Variants in ST6GALNAC5 observed in about 807,000 individuals in gnomAD.
ST6GALNAC5 encodes alpha-N-acetylgalactosaminide alpha-2,6-sialyltransferase 5.
A neutral mutation model predicts 33.6 loss-of-function variants in ST6GALNAC5; 27 were observed. The ratio of observed to expected loss-of-function variants is 0.80; its 90% CI spans 0.59 to 1.11. The LOEUF is 1.11. ST6GALNAC5 is among the 50% of genes least tolerant of loss of function. The pLI, the probability that ST6GALNAC5 is intolerant of heterozygous loss-of-function variation, is 0.00. For synonymous variants in ST6GALNAC5, 194 were observed against 171.2 expected (o/e 1.13, Z -1.04); for missense variants, 428 against 454.0 (o/e 0.94, Z 0.52).
intron 2 of ST6GALNAC5, among the ~76,000 whole-genome samples, chr1:76,991,990 T>G (rs993874024): frequency 1.3e-5 from 2 of 152,202 alleles, no homozygotes; most frequent in Non-Finnish European, 2.9e-5. Flanking sequence ...TAAGTAAATA[T>G]TTTTAAAATT....
In ST6GALNAC5 at chr1:77,060,787, G is replaced by A. The variant is rs150488547; in HGVS notation, c.780-2188G>A. On this transcript the variant is annotated intron_variant, in intron 4 of 4. Coordinates refer to ENST00000477717, the MANE Select transcript of ST6GALNAC5 (RefSeq NM_030965.3). ...CAATTGCCCCCTACTCCTAGGTGCC[G>A]AATCAATCTTATGATATTTTTAGAA... Among the ~76,000 whole-genome samples the A allele has an allele frequency of 8.6e-3, 1,302 of 152,084 alleles. 14 individuals are homozygous for A. Among genetic ancestry groups the A allele is most frequent in the Middle Eastern group, 0.014 (4 of 294 alleles).
At chr1:76,871,061 A>T (rs1292502365) in intron 2 of ST6GALNAC5, among the ~76,000 whole-genome samples, 1 of 152,218 alleles carries the variant, frequency 6.6e-6, no homozygotes, top group East Asian at 1.9e-4. Context: ...AATGTTGTTT[A>T]TGTTCTCTCC....
At chr1:77,045,433 G>T (rs1324404012) in intron 3 of ST6GALNAC5, among the ~76,000 whole-genome samples, 1 of 152,158 alleles carries the variant, frequency 6.6e-6, no homozygotes, top group Non-Finnish European at 1.5e-5. Flanking sequence ...TGAAATTAGT[G>T]GTGATGGTTG....
At chr1:77,054,959 G>T (rs908063119) in intron 4 of ST6GALNAC5, among the ~76,000 whole-genome samples, 18 of 152,122 alleles carry the variant, frequency 1.2e-4, no homozygotes, top group African/African-American at 4.3e-4. Context: ...TCTCATTCAA[G>T]ATCTGGCAGA....
intron 2 of ST6GALNAC5, among the ~76,000 whole-genome samples, chr1:77,036,192 T>C (rs1262069756): frequency 1.3e-5 from 2 of 152,182 alleles, no homozygotes; most frequent in East Asian, 1.9e-4. Flanking sequence ...TTGTTCCATT[T>C]ATGCGAAATG....
intron 2 of ST6GALNAC5, among the ~76,000 whole-genome samples, chr1:77,030,327 A>G (rs1651406237): frequency 6.6e-6 from 1 of 152,204 alleles, no homozygotes; most frequent in African/African-American, 2.4e-5. Flanking sequence ...TGCAGAAACT[A>G]TGACCTTGAG....
At chr1:76,909,817 C>T (rs886157446) in intron 2 of ST6GALNAC5, among the ~76,000 whole-genome samples, 9 of 151,930 alleles carry the variant, frequency 5.9e-5, no homozygotes, top group African/African-American at 2.2e-4. Context: ...ATGATATATA[C>T]AGTTGGAGAA....
At chr1:76,916,025 A>T (rs149866166) in intron 2 of ST6GALNAC5, among the ~76,000 whole-genome samples, 3 of 151,574 alleles carry the variant, frequency 2.0e-5, no homozygotes, top group South Asian at 4.2e-4. Flanking sequence ...AAAAAAAAAA[A>T]CTCATTGAAA....
chr1:76,886,003 G>T (rs1187538468), intron 2 of ST6GALNAC5, among the ~76,000 whole-genome samples: 1 of 152,216 alleles, frequency 6.6e-6, no homozygotes, highest in Non-Finnish European at 1.5e-5. Context: ...TTCATGGGCA[G>T]TGGGGCAGTC....
chr1:76,946,767 G>T (rs1208057505), intron 2 of ST6GALNAC5, among the ~76,000 whole-genome samples: 1 of 152,046 alleles, frequency 6.6e-6, no homozygotes, highest in Non-Finnish European at 1.5e-5. Context: ...TAAATTTAAT[G>T]ATGCATTCTG....
intron 2 of ST6GALNAC5, among the ~76,000 whole-genome samples, chr1:76,932,846 A>G (rs538852504): frequency 1.3e-5 from 2 of 152,104 alleles, no homozygotes; most frequent in Non-Finnish European, 2.9e-5. Flanking sequence ...TCAGATTGGA[A>G]ATAAGGAATT....
intron 2 of ST6GALNAC5, among the ~76,000 whole-genome samples, chr1:77,040,783 G>A (rs1399360113): frequency 6.6e-6 from 1 of 152,196 alleles, no homozygotes; most frequent in East Asian, 1.9e-4. Context: ...TGAGCGTGAT[G>A]AGAAAAAGCA....
At chr1:76,960,926 G>A (rs1648208564) in intron 2 of ST6GALNAC5, among the ~76,000 whole-genome samples, 1 of 152,032 alleles carries the variant, frequency 6.6e-6, no homozygotes, top group Admixed American at 6.6e-5. Flanking sequence ...ATCATCACAG[G>A]GTCCTGAGGC....
At chr1:76,942,786 A>G (rs1647383740) in intron 2 of ST6GALNAC5, among the ~76,000 whole-genome samples, 1 of 152,094 alleles carries the variant, frequency 6.6e-6, no homozygotes, top group South Asian at 2.1e-4. Context: ...GTTTGGCAGA[A>G]GTCCCCTCTC....
At chr1:77,047,392 C>G (rs1652054384) in intron 3 of ST6GALNAC5, among the ~76,000 whole-genome samples, 1 of 152,180 alleles carries the variant, frequency 6.6e-6, no homozygotes, top group Non-Finnish European at 1.5e-5. Context: ...TTTCTTCAAA[C>G]CCAACAAAAC....
intron 2 of ST6GALNAC5, among the ~76,000 whole-genome samples, chr1:77,020,245 C>G (rs1446688231): frequency 6.6e-6 from 1 of 152,176 alleles, no homozygotes; most frequent in African/African-American, 2.4e-5. Flanking sequence ...TTTTAAGTGC[C>G]GAGAATGTGG....
chr1:76,990,232 G>A (rs548035477), intron 2 of ST6GALNAC5, among the ~76,000 whole-genome samples: 4 of 152,242 alleles, frequency 2.6e-5, no homozygotes, highest in African/African-American at 9.6e-5. Flanking sequence ...CGGTGCTTCT[G>A]AAGGTATTTT....
intron 2 of ST6GALNAC5, among the ~76,000 whole-genome samples, chr1:77,024,405 A>G (rs1651158621): frequency 6.6e-6 from 1 of 152,174 alleles, no homozygotes; most frequent in African/African-American, 2.4e-5. Flanking sequence ...TCATGTTAAT[A>G]TCACCTCCCC....
chr1:76,911,009 T>C (rs1406243422), intron 2 of ST6GALNAC5, among the ~76,000 whole-genome samples: 49 of 152,114 alleles, frequency 3.2e-4, no homozygotes, highest in Admixed American at 3.2e-3. Context: ...TCCATTGATC[T>C]ACATTCAGCT....
Sources: gnomAD v4.1 joint callset for allele counts (sites outside exome capture counted in the v4.1 genomes callset) on GRCh38, gnomAD v4.1.1 for gene constraint, MANE v1.5 for transcripts, NCBI Gene and HGNC (gene_info 2026-07-23, HGNC 2026-07-21) for gene names.